The following PIK3R1 variants were observed in gnomAD, a reference collection of about 807,000 sequenced individuals.
PIK3R1 encodes phosphatidylinositol 3-kinase regulatory subunit alpha.
A neutral mutation model predicts 98.0 loss-of-function variants in PIK3R1; 29 were observed. The ratio of observed to expected loss-of-function variants is 0.30; its 90% confidence interval spans 0.22 to 0.40. The LOEUF (loss-of-function observed/expected upper bound fraction) is 0.40. Ranked by LOEUF, PIK3R1 falls within the 10% of genes least tolerant of loss-of-function variation. The probability of loss-of-function intolerance (pLI) is 1.00; values close to 1 mark genes in which losing one functional copy is unlikely to be tolerated. For missense variants in PIK3R1, 596 were observed against 872.7 expected (o/e 0.68, Z 3.99); for synonymous variants, 282 against 311.8 (o/e 0.90, Z 1.01).
chr5:68,265,664 G>T (rs1746094074), intron 2 of PIK3R1, among the ~76,000 whole-genome samples: 1 of 152,082 alleles, frequency 6.6e-6, no homozygotes, highest in African/African-American at 2.4e-5. Flanking sequence ...CACATTGAGG[G>T]TCAGGGCGTC....
intron 2 of PIK3R1, among the ~76,000 whole-genome samples, chr5:68,254,058 T>A (rs1745423404): frequency 6.6e-6 from 1 of 150,860 alleles, no homozygotes; most frequent in Non-Finnish European, 1.5e-5. Context: ...CCTTTGGTCA[T>A]AAATGCAGCA....
intron 5 of PIK3R1, 149 bp downstream of exon 5, chr5:68,279,882 C>A: frequency 1.4e-6 from 1 of 736,788 alleles, no homozygotes; most frequent in Non-Finnish European, 2.2e-6. Context: ...ATTTCCTCCT[C>A]CACCCAAGCA....
intron 2 of PIK3R1, among the ~76,000 whole-genome samples, chr5:68,261,756 A>G (rs913288920): frequency 1.4e-4 from 21 of 152,224 alleles, no homozygotes; most frequent in African/African-American, 4.6e-4. Flanking sequence ...TGTTTTATTT[A>G]TAGCCACAAT....
At chr5:68,248,780 C>T (rs531654611) in intron 2 of PIK3R1, among the ~76,000 whole-genome samples, 1 of 152,054 alleles carries the variant, frequency 6.6e-6, no homozygotes, top group East Asian at 1.9e-4. Context: ...TGTAGTACAC[C>T]TATATATGTG....
chr5:68,290,961 T>G, intron 7 of PIK3R1: 1 of 637,976 alleles, frequency 1.6e-6, no homozygotes, highest in Non-Finnish European at 2.6e-6. Flanking sequence ...AAAAATTAGT[T>G]TGCTCATGGC....
intron 2 of PIK3R1, among the ~76,000 whole-genome samples, chr5:68,235,401 A>AAAATAAATAAAT (rs145734363): frequency 2.3e-4 from 34 of 145,320 alleles, no homozygotes; most frequent in Admixed American, 6.2e-4. Context: ...AAAGTGTCTC[A>AAAATAAATAAAT]AAATAAATAA....
rs555100749 is a variant in PIK3R1, at chr5:68,292,365, AGGC to A, written c.1019+5_1019+7del. On this transcript the variant is annotated splice_donor_5th_base_variant and intron_variant, in intron 8 of 15. Coordinates refer to ENST00000521381, the MANE Select transcript of PIK3R1 (RefSeq NM_181523.3). ...GGTACTGGGGAGATATCTCGAGGTA[AGGC>A]TACAGAAACTTCATTTTCAGAGAGT... 56 of 1,591,634 alleles carry A rather than the reference AGGC, an allele frequency of 3.5e-5. No homozygotes were observed. In the South Asian group the frequency reaches 5.7e-4, roughly 16 times the overall value.
At position 68,226,889 on chromosome 5, in the gene PIK3R1, A is replaced by C; in HGVS notation, c.214A>C (p.Thr72Pro). Residue 72 changes from threonine (T) to proline (P), a missense_variant, in exon 2 of 16, where the codon ACT (threonine) becomes CCT (proline). By Grantham distance (38) the Thr-to-Pro change is conservative (BLOSUM62 -1). Around this residue, in one of 3 missense-constraint regions of PIK3R1, gnomAD observed 352 missense variants for 393.3 expected, o/e 0.90. Coordinates refer to ENST00000521381, the MANE Select transcript of PIK3R1 (RefSeq NM_181523.3). The stretch of plus-strand genomic sequence containing the variant: ...AGGGGAAAGGGGGGACTTTCCGGGA[A>C]CTTACGTAGAATATATTGGAAGGAA... ...TTGERGDFPG[T>P]YVEYIGRKKI... The C allele has an allele frequency of 6.2e-7, 1 of 1,614,090 alleles. No homozygotes were observed. Among genetic ancestry groups the C allele is most frequent in the East Asian group, 2.2e-5 (1 of 44,876 alleles).
intron 11 of PIK3R1, among the ~76,000 whole-genome samples, chr5:68,294,316 TAAG>T (rs1354883141): frequency 1.3e-5 from 2 of 152,232 alleles, no homozygotes; most frequent in African/African-American, 4.8e-5. Flanking sequence ...CAATAGCTTT[TAAG>T]AAGATAAAAA....
intron 2 of PIK3R1, among the ~76,000 whole-genome samples, chr5:68,236,562 T>G (rs1026634290): frequency 2.6e-5 from 4 of 152,194 alleles, no homozygotes; most frequent in African/African-American, 9.7e-5. Flanking sequence ...TAACCGTTTT[T>G]GAGATTTAAA....
At chr5:68,248,062 A>G (rs1334793564) in intron 2 of PIK3R1, among the ~76,000 whole-genome samples, 1 of 151,638 alleles carries the variant, frequency 6.6e-6, no homozygotes, top group Admixed American at 6.6e-5. Flanking sequence ...CGGGATCTCA[A>G]TTCACTGCAA....
chr5:68,288,295 G>A lies in PIK3R1; in HGVS notation c.917-3964G>A, dbSNP rs578247234. ...GTCAGCCGATGACAACTTTGACTTGGGCTCCCCTCCCCCTCCCGAAATCCC... is the reference window on the plus strand; with the variant it reads ...GTCAGCCGATGACAACTTTGACTTGAGCTCCCCTCCCCCTCCCGAAATCCC... On this transcript the variant is annotated intron_variant, in intron 7 of 15. Transcript: ENST00000521381. 75 of 485,318 alleles carry A rather than the reference G, an allele frequency of 1.5e-4. 3 individuals carry two copies. The South Asian group carries it at 6.0e-3, about 39-fold the overall frequency. The allele number at this position is 485,318 out of a possible 1,614,324, so 30.1% of individuals were successfully genotyped here. A position where few individuals can be genotyped will look rare whatever the true frequency, so the allele number is the denominator to read the frequency against.
At chr5:68,236,864 A>T (rs1243120324) in intron 2 of PIK3R1, among the ~76,000 whole-genome samples, 1 of 152,252 alleles carries the variant, frequency 6.6e-6, no homozygotes, top group Non-Finnish European at 1.5e-5. Context: ...TCTGGTAAAT[A>T]TTTGAAAGGA....
In PIK3R1 at chr5:68,298,509, C is replaced by T. The variant is rs373103355; in HGVS notation, c.*908C>T. 1.3e-5 allele frequency: 3 copies of T among 232,754 alleles called. No homozygotes were observed. Among genetic ancestry groups the T allele is most frequent in the South Asian group, 1.8e-4 (1 of 5,510 alleles). The allele number at this position is 232,754 out of a possible 1,614,324, so 14.4% of individuals were successfully genotyped here. A position where few individuals can be genotyped will look rare whatever the true frequency, so the allele number is the denominator to read the frequency against. ...TTGTTGCTTGAAAATATTGTTGTCC[C>T]GGATTTTTGTTAATATTCATTTTTG... On this transcript the variant is annotated 3_prime_UTR_variant, in exon 16 of 16. Coordinates refer to ENST00000521381, the MANE Select transcript of PIK3R1 (RefSeq NM_181523.3).
At chr5:68,233,135 ACC>A (rs759142137) in intron 2 of PIK3R1, among the ~76,000 whole-genome samples, 4 of 152,248 alleles carry the variant, frequency 2.6e-5, no homozygotes, top group Non-Finnish European at 4.4e-5. Flanking sequence ...GCTAAGTAGC[ACC>A]CAAAAAGGGG....
intron 2 of PIK3R1, among the ~76,000 whole-genome samples, chr5:68,271,651 G>A (rs1746364526): frequency 6.6e-6 from 1 of 152,192 alleles, no homozygotes; most frequent in African/African-American, 2.4e-5. Context: ...GCTAGTCATT[G>A]CTTTATCAGA....
chr5:68,282,823 T>C (rs552132778), intron 7 of PIK3R1, among the ~76,000 whole-genome samples: 4 of 152,334 alleles, frequency 2.6e-5, no homozygotes, highest in African/African-American at 9.6e-5. Flanking sequence ...AGTATTTATG[T>C]GGCCTCTTAA....
At chr5:68,257,183 A>G (rs998787641) in intron 2 of PIK3R1, among the ~76,000 whole-genome samples, 4 of 152,240 alleles carry the variant, frequency 2.6e-5, no homozygotes, top group South Asian at 2.1e-4. Context: ...AAAAGTGTAC[A>G]TAACGCAAGG....
chr5:68,290,903 TA>T, intron 7 of PIK3R1: 1 of 960,200 alleles, frequency 1.0e-6, no homozygotes, highest in Non-Finnish European at 1.6e-6. Context: ...AAAGCTACTG[TA>T]AAAGATCCTT....
Sources: gnomAD v4.1 joint callset for allele counts (sites outside exome capture counted in the v4.1 genomes callset) on GRCh38, gnomAD v4.1.1 for gene constraint, gnomAD v4.1.1 regional missense constraint, MANE v1.5 for transcripts, NCBI Gene and HGNC (gene_info 2026-07-23, HGNC 2026-07-21) for gene names.